THSD7A: variants seen among roughly 807,000 people sequenced by gnomAD.
The protein encoded by THSD7A is thrombospondin type 1 domain containing 7A.
THSD7A carries 96 observed loss-of-function variants against 231.3 expected under a neutral mutation model. The ratio of observed to expected loss-of-function variants is 0.41; its 90% CI spans 0.35 to 0.49. The LOEUF (loss-of-function observed/expected upper bound fraction) is 0.49. Ranked by LOEUF, THSD7A falls within the 20% of genes least tolerant of loss-of-function variation. The pLI is 0.05. For synonymous variants in THSD7A, 940 were observed against 743.3 expected (o/e 1.26, Z -4.30); for missense variants, 2,290 against 2,070.2 (o/e 1.11, Z -2.06).
At chr7:11,521,086 A>T (rs1159880376) in intron 6 of THSD7A, among the ~76,000 whole-genome samples, 3 of 152,194 alleles carry the variant, frequency 2.0e-5, no homozygotes, top group Non-Finnish European at 4.4e-5. Context: ...AAACATCACC[A>T]ATCAGCCTGA....
rs143700120 is a variant in THSD7A at position 11,528,296 on chromosome 7, C to A, written c.1822+13123G>T. The stretch of plus-strand genomic sequence containing the variant: ...TATTATCAAATTTATATAGTGACTG[C>A]AAAGAGCTCCAATGTCTCTTTTAAT... On this transcript the variant is annotated intron_variant, in intron 6 of 27. Coordinates refer to ENST00000423059, the MANE Select transcript of THSD7A (RefSeq NM_015204.3). Among the ~76,000 whole-genome samples the A allele has an allele frequency of 2.6e-3, 402 of 152,294 alleles. 3 individuals carry two copies. The highest frequency in any genetic ancestry group is 9.3e-3 in the African/African-American group (388 of 41,574).
At position 11,374,010 on chromosome 7, in the gene THSD7A, G is replaced by A. The variant is rs1437360075; in HGVS notation, c.*1784C>T. ...CTGTGCCATTCCCAGGGCTACATCTGTAGAAAATACAGCTACTTCTGATAC... is the reference window on the plus strand; with the variant it reads ...CTGTGCCATTCCCAGGGCTACATCTATAGAAAATACAGCTACTTCTGATAC... On this transcript the variant is annotated 3_prime_UTR_variant, in exon 28 of 28. Coordinates refer to ENST00000423059, the MANE Select transcript of THSD7A (RefSeq NM_015204.3). 6.6e-6 allele frequency: 1 copy of A among 151,998 alleles called. No individual in the cohort carries two copies. The highest frequency in any genetic ancestry group is 1.5e-5 in the Non-Finnish European group (1 of 67,984). The allele number at this position is 151,998 out of a possible 1,614,324, so 9.4% of individuals were successfully genotyped here.
At chr7:11,795,986 C>G (rs1461682739) in intron 1 of THSD7A, among the ~76,000 whole-genome samples, 1 of 145,590 alleles carries the variant, frequency 6.9e-6, no homozygotes, top group Non-Finnish European at 1.5e-5. Context: ...TTTCCTGTAA[C>G]TGTGCTAAAA....
chr7:11,559,063 G>C (rs750267521), intron 4 of THSD7A, among the ~76,000 whole-genome samples: 6 of 152,166 alleles, frequency 3.9e-5, no homozygotes, highest in Admixed American at 6.5e-5. Context: ...AGGAGCCAAG[G>C]GATGTGGGTG....
intron 1 of THSD7A, among the ~76,000 whole-genome samples, chr7:11,768,248 C>T (rs1562540383): frequency 6.6e-6 from 1 of 152,138 alleles, no homozygotes; most frequent in African/African-American, 2.4e-5. Context: ...ATTATAAATG[C>T]TAGTTGTCCA....
At chr7:11,568,557 A>G (rs59353247) in intron 4 of THSD7A, among the ~76,000 whole-genome samples, 5,508 of 139,692 alleles carry the variant, frequency 0.039, 370 homozygotes, top group African/African-American at 0.14. Context: ...CCTGGGAGGC[A>G]GAGCTTGCAG....
At chr7:11,600,110 A>C (rs552494372) in intron 2 of THSD7A, among the ~76,000 whole-genome samples, 17 of 152,194 alleles carry the variant, frequency 1.1e-4, no homozygotes, top group African/African-American at 4.1e-4. Flanking sequence ...GTTAATAATA[A>C]ACTCATATAT....
chr7:11,616,677 AG>A (rs1483043510), intron 2 of THSD7A, among the ~76,000 whole-genome samples: 1 of 152,120 alleles, frequency 6.6e-6, no homozygotes, highest in East Asian at 1.9e-4. Flanking sequence ...CACGTTGCCC[AG>A]CCCTTCCTTA....
At chr7:11,700,045 G>A (rs541259530) in intron 1 of THSD7A, among the ~76,000 whole-genome samples, 7 of 151,342 alleles carry the variant, frequency 4.6e-5, no homozygotes, top group African/African-American at 1.7e-4. Context: ...GTTTAAAATT[G>A]TATATACAGT....
At chr7:11,778,030 G>A in intron 1 of THSD7A, among the ~76,000 whole-genome samples, 1 of 147,954 alleles carries the variant, frequency 6.8e-6, no homozygotes, top group African/African-American at 2.5e-5. Flanking sequence ...AGTGGCGGGC[G>A]CCTGTAGTCC....
chr7:11,768,270 G>A (rs1464058957), intron 1 of THSD7A, among the ~76,000 whole-genome samples: 1 of 152,038 alleles, frequency 6.6e-6, no homozygotes, highest in Non-Finnish European at 1.5e-5. Flanking sequence ...CAATATATCA[G>A]GATATATTGG....
At chr7:11,409,900 G>A (rs933724500) in intron 19 of THSD7A, among the ~76,000 whole-genome samples, 5 of 151,900 alleles carry the variant, frequency 3.3e-5, no homozygotes, top group East Asian at 1.9e-4. Context: ...GTGCCACCAC[G>A]CCCGGCTAAT....
rs2128153854 is a variant in THSD7A, at chr7:11,723,016, A to G, written c.191-86055T>C. ...GATTATAAATCATGCTGCTATAAAG[A>G]CACATGCACACGTATGTTTATTGCG... On this transcript the variant is annotated intron_variant, in intron 1 of 27. Transcript: ENST00000423059. Among the ~76,000 whole-genome samples the G allele has an allele frequency of 1.3e-5, 2 of 152,118 alleles. 1 individual carries two copies. The highest frequency in any genetic ancestry group is 6.8e-3 in the Middle Eastern group (2 of 294).
intron 6 of THSD7A, among the ~76,000 whole-genome samples, chr7:11,517,033 AG>A (rs144540624): frequency 0.16 from 24,629 of 152,136 alleles, 2,359 homozygotes; most frequent in African/African-American, 0.27. Context: ...TCACATTCAT[AG>A]GTCCAATTGT....
chr7:11,572,329 T>C (rs1253805952), intron 4 of THSD7A, among the ~76,000 whole-genome samples: 1 of 152,228 alleles, frequency 6.6e-6, no homozygotes, highest in Non-Finnish European at 1.5e-5. Flanking sequence ...TTGACTTGTC[T>C]TCAATATCAC....
intron 1 of THSD7A, among the ~76,000 whole-genome samples, chr7:11,650,536 C>G (rs1782458090): frequency 6.6e-6 from 1 of 152,050 alleles, no homozygotes; most frequent in South Asian, 2.1e-4. Context: ...AGCACAGGAT[C>G]ATTAACATTA....
chr7:11,563,967 T>C (rs1446755082), intron 4 of THSD7A, among the ~76,000 whole-genome samples: 1 of 152,172 alleles, frequency 6.6e-6, no homozygotes, highest in Non-Finnish European at 1.5e-5. Context: ...CTAGACTATT[T>C]CAGAGCTAAG....
chr7:11,472,949 C>T (rs751080756), intron 8 of THSD7A, among the ~76,000 whole-genome samples: 13 of 152,172 alleles, frequency 8.5e-5, no homozygotes, highest in Non-Finnish European at 1.5e-4. Context: ...GGACTTGGGA[C>T]ATCTGCTCTT....
At chr7:11,788,070 C>T (rs1437843916) in intron 1 of THSD7A, among the ~76,000 whole-genome samples, 2 of 151,964 alleles carry the variant, frequency 1.3e-5, no homozygotes, top group Non-Finnish European at 2.9e-5. Context: ...TGTGTGTTTT[C>T]CTTCTTCCTC....
Sources: gnomAD v4.1 joint callset for allele counts (sites outside exome capture counted in the v4.1 genomes callset) on GRCh38, gnomAD v4.1.1 for gene constraint, MANE v1.5 for transcripts, NCBI Gene and HGNC (gene_info 2026-07-23, HGNC 2026-07-21) for gene names.